Variants in KCNH8 observed in about 807,000 individuals in gnomAD.
KCNH8 encodes the protein voltage-gated delayed rectifier potassium channel KCNH8.
KCNH8 carries 70 observed loss-of-function variants against 103.6 expected under a neutral mutation model. That is an observed-to-expected ratio of 0.68 (90% confidence interval 0.56 to 0.82). The LOEUF (loss-of-function observed/expected upper bound fraction) is 0.82, where lower values mean the gene tolerates loss of function less well. KCNH8 is among the 40% of genes least tolerant of loss of function. KCNH8 has a pLI of 0.00. For missense variants in KCNH8, 1,217 were observed against 1,329.9 expected (o/e 0.92, Z 1.32); for synonymous variants, 498 against 489.4 (o/e 1.02, Z -0.23).
Position 19,483,635 on chromosome 3 carries a change from GT to G in KCNH8, c.2040+26661del, listed in dbSNP as rs112336800. Reference sequence around the variant, plus strand: ...CTAATTGCAAAAACAAATTTCTTGGGTTTTTTTTGGAATTTCTGGTACTGGC... The same window carrying G: ...CTAATTGCAAAAACAAATTTCTTGGGTTTTTTTGGAATTTCTGGTACTGGC... On this transcript the variant is annotated intron_variant, in intron 11 of 15. Transcript: ENST00000328405. 4.4e-3 allele frequency among the ~76,000 whole-genome samples: 676 copies of G among 151,920 alleles called. 4 individuals carry two copies. The highest frequency in any genetic ancestry group is 0.02 in the South Asian group (94 of 4,800).
At chr3:19,348,010 G>A (rs1407130111) in intron 5 of KCNH8, 45 bp downstream of exon 5, 2 of 1,593,858 alleles carry the variant, frequency 1.3e-6, no homozygotes, top group Admixed American at 1.7e-5. Flanking sequence ...CATATGAGAA[G>A]TGAAGTGTGT....
intron 15 of KCNH8, among the ~76,000 whole-genome samples, chr3:19,520,021 A>T (rs2068944844): frequency 6.6e-6 from 1 of 151,864 alleles, no homozygotes; most frequent in African/African-American, 2.4e-5. Context: ...AAAAAAAAAA[A>T]ATTACCATTT....
chr3:19,170,173 AG>A (rs2063327054), intron 1 of KCNH8, among the ~76,000 whole-genome samples: 2 of 152,342 alleles, frequency 1.3e-5, no homozygotes, highest in African/African-American at 2.4e-5. Context: ...ATGAATATTG[AG>A]GAAAAAAACA....
intron 11 of KCNH8, among the ~76,000 whole-genome samples, chr3:19,485,624 T>C (rs2068189707): frequency 6.6e-6 from 1 of 152,194 alleles, no homozygotes; most frequent in Admixed American, 6.5e-5. Context: ...ACTTGCCCCC[T>C]TTCTGCATGG....
intron 3 of KCNH8, among the ~76,000 whole-genome samples, chr3:19,298,227 G>C (rs546885650): frequency 6.6e-6 from 1 of 152,280 alleles, no homozygotes; most frequent in Admixed American, 6.5e-5. Flanking sequence ...GTAACATCTT[G>C]TCTCATAGGA....
At chr3:19,507,316 C>T (rs1463077064) in intron 11 of KCNH8, among the ~76,000 whole-genome samples, 1 of 152,156 alleles carries the variant, frequency 6.6e-6, no homozygotes, top group East Asian at 1.9e-4. Context: ...GGAGCCCCCA[C>T]CAGGGAACCT....
At chr3:19,371,929 T>C (rs1395321906) in intron 5 of KCNH8, among the ~76,000 whole-genome samples, 67 of 150,418 alleles carry the variant, frequency 4.5e-4, no homozygotes, top group African/African-American at 1.4e-3. Flanking sequence ...TGTAGATATG[T>C]GGCGTTATTT....
chr3:19,526,030 G>T (rs2069058255), intron 15 of KCNH8, among the ~76,000 whole-genome samples: 1 of 151,884 alleles, frequency 6.6e-6, no homozygotes, highest in Non-Finnish European at 1.5e-5. Context: ...GTTTGAACAT[G>T]TCTGAATCTT....
chr3:19,259,309 C>G (rs115330409), intron 2 of KCNH8, among the ~76,000 whole-genome samples: 2,499 of 151,518 alleles, frequency 0.016, 61 homozygotes, highest in African/African-American at 0.055. Flanking sequence ...AAATAGAAGG[C>G]AAACATAAAT....
chr3:19,339,088 A>T (rs2065623586), intron 3 of KCNH8, among the ~76,000 whole-genome samples: 2 of 152,140 alleles, frequency 1.3e-5, no homozygotes, highest in Admixed American at 6.6e-5. Context: ...CCAATCTTGC[A>T]TGAGGGTTCA....
chr3:19,501,612 C>T (rs991607192), intron 11 of KCNH8, among the ~76,000 whole-genome samples: 2 of 152,170 alleles, frequency 1.3e-5, no homozygotes, highest in African/African-American at 4.8e-5. Context: ...GGATGCAAGG[C>T]TGGTTCAACA....
chr3:19,247,456 C>T (rs966582682), intron 1 of KCNH8, among the ~76,000 whole-genome samples: 4 of 152,154 alleles, frequency 2.6e-5, no homozygotes, highest in African/African-American at 9.7e-5. Context: ...ACAAGGGATA[C>T]AAACGTTGTC....
chr3:19,379,180 C>T (rs2066254519), intron 5 of KCNH8, among the ~76,000 whole-genome samples: 1 of 152,174 alleles, frequency 6.6e-6, no homozygotes, highest in Non-Finnish European at 1.5e-5. Flanking sequence ...TGACCATACA[C>T]ATGAAAAGCC....
intron 11 of KCNH8, among the ~76,000 whole-genome samples, chr3:19,503,590 A>G (rs1217823163): frequency 6.6e-6 from 1 of 152,166 alleles, no homozygotes; most frequent in African/African-American, 2.4e-5. Context: ...ATGGAATACT[A>G]TGCAGCCATA....
intron 7 of KCNH8, among the ~76,000 whole-genome samples, chr3:19,431,202 GAT>G (rs1425339448): frequency 6.6e-6 from 1 of 152,190 alleles, no homozygotes; most frequent in Non-Finnish European, 1.5e-5. Flanking sequence ...AAAGGATGAT[GAT>G]ATTTATCAAA....
In KCNH8 at chr3:19,266,432, A is replaced by G. The variant is rs145323510; in HGVS notation, c.310+12545A>G. Among the ~76,000 whole-genome samples the G allele has an allele frequency of 1.5e-3, 226 of 152,274 alleles. 2 individuals carry two copies. The highest frequency in any genetic ancestry group is 2.9e-3 in the Non-Finnish European group (194 of 68,012). On this transcript the variant is annotated intron_variant, in intron 2 of 15. Coordinates refer to ENST00000328405, the MANE Select transcript of KCNH8 (RefSeq NM_144633.3). The stretch of plus-strand genomic sequence containing the variant: ...AATTCCATCCTCATATTAAGCTAAT[A>G]AAACTATTGAGATTCAATTCAAGCC...
At chr3:19,197,797 T>C (rs1220629147) in intron 1 of KCNH8, among the ~76,000 whole-genome samples, 2 of 152,154 alleles carry the variant, frequency 1.3e-5, no homozygotes, top group Non-Finnish European at 2.9e-5. Flanking sequence ...TTTACTGTTA[T>C]TGTTGATATT....
intron 11 of KCNH8, among the ~76,000 whole-genome samples, chr3:19,487,469 A>G (rs2068234569): frequency 6.6e-6 from 1 of 152,082 alleles, no homozygotes; most frequent in Non-Finnish European, 1.5e-5. Flanking sequence ...TCTAAATTAT[A>G]GGTGCTTTTA....
At chr3:19,309,262 G>T (rs1005221812) in intron 3 of KCNH8, among the ~76,000 whole-genome samples, 1 of 151,978 alleles carries the variant, frequency 6.6e-6, no homozygotes, top group African/African-American at 2.4e-5. Context: ...TAAAAGAAGA[G>T]AGGGATGTTC....
Sources: gnomAD v4.1 joint callset for allele counts (sites outside exome capture counted in the v4.1 genomes callset) on GRCh38, gnomAD v4.1.1 for gene constraint, MANE v1.5 for transcripts, NCBI Gene and HGNC (gene_info 2026-07-23, HGNC 2026-07-21) for gene names.